Variants in DCK observed in about 807,000 individuals in gnomAD.
The protein encoded by DCK is deoxyadenosine kinase.
Under a neutral mutation model 38.3 loss-of-function variants are expected in DCK, and 23 were observed. The observed-to-expected ratio is 0.60, with a 90% CI of 0.43 to 0.85. The LOEUF (loss-of-function observed/expected upper bound fraction) is 0.85. Ranked by LOEUF, DCK falls within the 40% of genes least tolerant of loss-of-function variation. The probability of loss-of-function intolerance (pLI) is 0.00; values close to 1 mark genes in which losing one functional copy is unlikely to be tolerated. For synonymous variants in DCK, 108 were observed against 100.6 expected, an observed-to-expected ratio of 1.07 and a Z score of -0.44; for missense variants, 259 against 304.4, an observed-to-expected ratio of 0.85 and a Z score of 1.11.
intron 4 of DCK, among the ~76,000 whole-genome samples, chr4:71,024,183 C>T (rs1740495244): frequency 6.6e-6 from 1 of 152,050 alleles, no homozygotes; most frequent in South Asian, 2.1e-4. Context: ...AGGTCCATAT[C>T]AAGAAATATT....
Position 71,005,861 on chromosome 4 carries a change from C to T in DCK, c.207+7679C>T, listed in dbSNP as rs192744787. On this transcript the variant is annotated intron_variant, in intron 2 of 6. Coordinates refer to ENST00000286648, the MANE Select transcript of DCK (RefSeq NM_000788.3). ...GCAAATAAGGCCGGGTGCGGTGGCTCACACCTGTAATCCCAGCCCTTTGGG... is the reference window on the plus strand; with the variant it reads ...GCAAATAAGGCCGGGTGCGGTGGCTTACACCTGTAATCCCAGCCCTTTGGG... Among the ~76,000 whole-genome samples the T allele has an allele frequency of 2.5e-3, 382 of 151,820 alleles. 2 individuals are homozygous for T. The highest frequency in any genetic ancestry group is 8.8e-3 in the African/African-American group (366 of 41,420).
At chr4:71,007,077 G>T (rs1739964506) in intron 2 of DCK, among the ~76,000 whole-genome samples, 1 of 151,994 alleles carries the variant, frequency 6.6e-6, no homozygotes, top group African/African-American at 2.4e-5. Flanking sequence ...CCTTCTATTT[G>T]CCAGGCATAG....
intron 6 of DCK, among the ~76,000 whole-genome samples, chr4:71,028,439 C>A (rs756319948): frequency 6.6e-6 from 1 of 152,016 alleles, no homozygotes; most frequent in African/African-American, 2.4e-5. Context: ...AAAAAACAAA[C>A]AAAAACTAGC....
At chr4:70,994,571 A>G (rs1485095165) in intron 1 of DCK, among the ~76,000 whole-genome samples, 1 of 152,002 alleles carries the variant, frequency 6.6e-6, no homozygotes, top group Non-Finnish European at 1.5e-5. Flanking sequence ...GTTTCTTTTT[A>G]TTGCTGAGTA....
chr4:71,023,509 T>C (rs776346903), intron 3 of DCK, 50 bp from the exon 4 acceptor site: 2 of 1,207,566 alleles, frequency 1.7e-6, no homozygotes, highest in Non-Finnish European at 1.2e-6. Flanking sequence ...TTTATTTCTT[T>C]GTTGTTTTTT....
At position 71,017,350 on chromosome 4, in the gene DCK, A is replaced by G. The variant is rs1024248814; in HGVS notation, c.208-5017A>G. Among the ~76,000 whole-genome samples the G allele has an allele frequency of 4.6e-5, 7 of 152,336 alleles. No individual in the cohort carries two copies. In the East Asian group the frequency reaches 9.7e-4, roughly 21 times the overall value. On this transcript the variant is annotated intron_variant, in intron 2 of 6. Coordinates refer to ENST00000286648, the MANE Select transcript of DCK (RefSeq NM_000788.3). ...GTTGGTGGGACTGTAAACTAGTTCAACCATGTGTAAGACAGTGTGGTGATT... is the reference window on the plus strand; with the variant it reads ...GTTGGTGGGACTGTAAACTAGTTCAGCCATGTGTAAGACAGTGTGGTGATT...
Position 71,022,426 on chromosome 4 carries a change from T to C in DCK, c.267T>C (p.Pro89=). The C allele has an allele frequency of 6.2e-7, 1 of 1,605,774 alleles. No individual in the cohort carries two copies. The highest frequency in any genetic ancestry group is 1.1e-5 in the South Asian group (1 of 89,068). The change falls in exon 3 of 7, where the codon CCT becomes CCC. Residue 89 remains proline (P), a synonymous_variant. Transcript: ENST00000286648. The part of the protein sequence containing the change: ...GNVLQMMYEK[P]ERWSFTFQTY... Reference sequence around the variant, plus strand: ...TTCTTCAGATGATGTATGAGAAACCTGAACGATGGTCTTTTACCTTCCAAA... The same window carrying C: ...TTCTTCAGATGATGTATGAGAAACCCGAACGATGGTCTTTTACCTTCCAAA...
At chr4:71,022,288 A>C in intron 2 of DCK, 79 bp from the exon 3 acceptor site, 1 of 765,020 alleles carries the variant, frequency 1.3e-6, no homozygotes, top group Non-Finnish European at 2.0e-6. Flanking sequence ...TCTGACTTTT[A>C]TTTTTTAGCC....
Position 71,029,342 on chromosome 4 carries a change from C to A in DCK, c.757-10C>A. 6.3e-7 allele frequency: 1 copy of A among 1,577,508 alleles called. No homozygotes were observed. Among genetic ancestry groups the A allele is most frequent in the Middle Eastern group, 1.7e-4 (1 of 5,900 alleles). ...GAATTATACTGATTTTTTTTTCTTC[C>A]TTTCCTCAGGTCAAAGAGTTTTTGA... On this transcript the variant is annotated splice_polypyrimidine_tract_variant and intron_variant, in intron 6 of 6. Transcript: ENST00000286648.
chr4:71,017,850 G>A (rs1302378502), intron 2 of DCK, among the ~76,000 whole-genome samples: 2 of 151,788 alleles, frequency 1.3e-5, no homozygotes, highest in South Asian at 2.1e-4. Flanking sequence ...AATGGGTGCA[G>A]TACACCAACA....
intron 4 of DCK, among the ~76,000 whole-genome samples, chr4:71,023,913 T>C (rs141119958): frequency 6.6e-6 from 1 of 152,210 alleles, no homozygotes; most frequent in Non-Finnish European, 1.5e-5. Flanking sequence ...AGTTGCTGTT[T>C]TAGGCTCTTT....
intron 2 of DCK, chr4:71,006,184 A>T (rs1339928165): frequency 6.3e-6 from 1 of 158,594 alleles, no homozygotes; most frequent in Non-Finnish European, 1.3e-5. Flanking sequence ...ACTATTCAGT[A>T]ACTGAATTTT....
intron 2 of DCK, among the ~76,000 whole-genome samples, chr4:70,999,892 G>T (rs1385057228): frequency 6.6e-6 from 1 of 151,794 alleles, no homozygotes; most frequent in African/African-American, 2.4e-5. Flanking sequence ...TTGTAAATTT[G>T]TTTAAGTTCC....
At chr4:71,007,608 T>C (rs1182197204) in intron 2 of DCK, among the ~76,000 whole-genome samples, 2 of 152,262 alleles carry the variant, frequency 1.3e-5, no homozygotes, top group East Asian at 3.8e-4. Context: ...AATTACATTG[T>C]TTGCCTTTTT....
rs531805663 is a variant in DCK at position 70,993,694 on chromosome 4, C to A, written c.-142C>A. 11 of 588,858 alleles carry A rather than the reference C, an allele frequency of 1.9e-5. No homozygotes were observed. Among genetic ancestry groups the A allele is most frequent in the African/African-American group, 1.6e-4 (8 of 51,348 alleles). The allele number at this position is 588,858 out of a possible 1,614,324, so 36.5% of individuals were successfully genotyped here. A position where few individuals can be genotyped will look rare whatever the true frequency, so the allele number is the denominator to read the frequency against. ...CGCGCCAAAGTCAAACCCCGACACC[C>A]GCCGGCGGGCCGGTGAGCTCACTAG... is the stretch of plus-strand genomic sequence containing the variant. On this transcript the variant is annotated 5_prime_UTR_variant, in exon 1 of 7. Transcript: ENST00000286648.
rs1284021317 is a variant in DCK at position 71,025,886 on chromosome 4, A to C, written c.620A>C (p.Lys207Thr). 3 of 1,611,076 alleles carry C rather than the reference A, an allele frequency of 1.9e-6. No individual in the cohort carries two copies. The highest frequency in any genetic ancestry group is 1.7e-6 in the Non-Finnish European group (2 of 1,178,418). ...EQGIPLEYLE[K>T]LHYKHESWLL... ...GGCATTCCTCTTGAATATTTAGAGA[A>C]GCTTCATTATAAACATGAAAGCTGG... Residue 207 changes from lysine (K) to threonine (T), a missense_variant, in exon 5 of 7, where the codon AAG (lysine) becomes ACG (threonine). Lys to Thr is a moderately conservative substitution (Grantham distance 78). This residue lies in a region of DCK where 82 missense variants were observed against 103.8 expected (regional missense o/e 0.79). Transcript: ENST00000286648.
intron 2 of DCK, among the ~76,000 whole-genome samples, chr4:71,018,884 C>G (rs1740340126): frequency 6.6e-6 from 1 of 151,974 alleles, no homozygotes; most frequent in African/African-American, 2.4e-5. Flanking sequence ...GTTGCCCAGG[C>G]TGGTCTGGAA....
intron 2 of DCK, among the ~76,000 whole-genome samples, chr4:71,019,407 T>C (rs1740351682): frequency 1.3e-5 from 2 of 152,184 alleles, no homozygotes; most frequent in Non-Finnish European, 2.9e-5. Context: ...GGCAAAAATA[T>C]AAAATTTATC....
At chr4:70,994,814 T>A (rs1739624375) in intron 1 of DCK, among the ~76,000 whole-genome samples, 1 of 152,194 alleles carries the variant, frequency 6.6e-6, no homozygotes, top group African/African-American at 2.4e-5. Context: ...CAAAGACCAC[T>A]AACGTTTCTG....
Sources: gnomAD v4.1 joint callset for allele counts (sites outside exome capture counted in the v4.1 genomes callset) on GRCh38, gnomAD v4.1.1 for gene constraint, gnomAD v4.1.1 regional missense constraint, MANE v1.5 for transcripts, NCBI Gene and HGNC (gene_info 2026-07-23, HGNC 2026-07-21) for gene names.